The following ZC2HC1B variants were observed in gnomAD, a reference collection of about 807,000 sequenced individuals.
ZC2HC1B encodes zinc finger C2HC domain-containing protein 1B.
A neutral mutation model predicts 31.0 loss-of-function variants in ZC2HC1B; 36 were observed. That is an observed-to-expected ratio of 1.16 (90% CI 0.89 to 1.54). The LOEUF (loss-of-function observed/expected upper bound fraction) is 1.54. ZC2HC1B is among the 40% of genes most tolerant of loss of function. The pLI, the probability that ZC2HC1B is intolerant of heterozygous loss-of-function variation, is 0.00. For missense variants in ZC2HC1B, 260 were observed against 268.6 expected, an observed-to-expected ratio of 0.97 and a Z score of 0.22; for synonymous variants, 73 against 88.0, an observed-to-expected ratio of 0.83 and a Z score of 0.95.
intron 6 of ZC2HC1B, among the ~76,000 whole-genome samples, chr6:143,920,491 T>C (rs1342382091): frequency 6.6e-6 from 1 of 152,216 alleles, no homozygotes; most frequent in Non-Finnish European, 1.5e-5. Flanking sequence ...GATACCATTC[T>C]AACACATAAG....
chr6:143,873,704 C>G (rs1425751249), intron 1 of ZC2HC1B, among the ~76,000 whole-genome samples: 1 of 152,274 alleles, frequency 6.6e-6, no homozygotes, highest in Non-Finnish European at 1.5e-5. Context: ...ATAGCCCGAG[C>G]TGTACATTGG....
intron 6 of ZC2HC1B, among the ~76,000 whole-genome samples, chr6:143,928,824 G>GTTTTTTTT (rs59359194): frequency 1.4e-5 from 2 of 142,312 alleles, no homozygotes; most frequent in Non-Finnish European, 3.0e-5. Flanking sequence ...TATTCCTAGG[G>GTTTTTTTT]TTTTTTTTTT....
intron 4 of ZC2HC1B, among the ~76,000 whole-genome samples, chr6:143,892,141 T>C (rs1777608941): frequency 6.6e-6 from 1 of 152,188 alleles, no homozygotes; most frequent in East Asian, 1.9e-4. Context: ...CTCACAGTTC[T>C]GCAGGTTGTA....
At chr6:143,882,777 G>A (rs1374409636) in intron 1 of ZC2HC1B, among the ~76,000 whole-genome samples, 1 of 151,922 alleles carries the variant, frequency 6.6e-6, no homozygotes. Context: ...CCTGCTGGCC[G>A]GACAACTCTA....
At position 143,869,672 on chromosome 6, in the gene ZC2HC1B, G is replaced by A. The variant is rs999346739; in HGVS notation, c.28+5105G>A. 2.6e-5 allele frequency among the ~76,000 whole-genome samples: 4 copies of A among 152,206 alleles called. No individual in the cohort carries two copies. The highest frequency in any genetic ancestry group is 9.6e-5 in the African/African-American group (4 of 41,454). Reference sequence around the variant, plus strand: ...TTTTCCATGATGGAAGAGGTTCAATGTAATCAACCTGCCAGCAGGTAGCTG... The same window carrying A: ...TTTTCCATGATGGAAGAGGTTCAATATAATCAACCTGCCAGCAGGTAGCTG... On this transcript the variant is annotated intron_variant, in intron 1 of 7. Coordinates refer to ENST00000237275, the MANE Select transcript of ZC2HC1B (RefSeq NM_001013623.3). This position sits in a 1 kb window ranked among gnomAD's most constrained non-coding sequence, Gnocchi z 5.2.
Position 143,921,966 on chromosome 6 carries a change from G to T in ZC2HC1B, c.599-15683G>T, listed in dbSNP as rs1777989706. On this transcript the variant is annotated intron_variant, in intron 6 of 7. Coordinates refer to ENST00000237275, the MANE Select transcript of ZC2HC1B (RefSeq NM_001013623.3). The surrounding 1 kb of genome is among the most constrained non-coding windows in gnomAD (Gnocchi z 6.1). ...AAAAAATAAAAATAAAGTTGCTAGG[G>T]TTAATGTGTCTTTAAATTAGTCACA... is the stretch of plus-strand genomic sequence containing the variant. Among the ~76,000 whole-genome samples, 1 of 152,160 alleles carries T rather than the reference G, an allele frequency of 6.6e-6. No homozygotes were observed. Among genetic ancestry groups the T allele is most frequent in the Non-Finnish European group, 1.5e-5 (1 of 68,034 alleles).
Position 143,924,775 on chromosome 6 carries a change from T to C in ZC2HC1B, c.599-12874T>C, listed in dbSNP as rs2128497229. The stretch of plus-strand genomic sequence containing the variant: ...TCTGTCTCTTGAAATGATCATATTG[T>C]TTTTGTCTTTCATTCTGTTGTTGTG... On this transcript the variant is annotated intron_variant, in intron 6 of 7. Transcript: ENST00000237275. This position sits in a 1 kb window ranked among gnomAD's most constrained non-coding sequence, Gnocchi z 5.2. 6.6e-6 allele frequency among the ~76,000 whole-genome samples: 1 copy of C among 152,338 alleles called. No homozygotes were observed. The highest frequency in any genetic ancestry group is 2.1e-4 in the South Asian group (1 of 4,830).
At position 143,903,432 on chromosome 6, in the gene ZC2HC1B, A is replaced by T. The variant is rs1777759166; in HGVS notation, c.598+280A>T. ...GTCTAGTAAAATTGAAGAGATTGAA[A>T]ATAGGAGAAGACCACGTGTCATATG... is the stretch of plus-strand genomic sequence containing the variant. On this transcript the variant is annotated intron_variant, in intron 6 of 7. Transcript: ENST00000237275. This position sits in a 1 kb window ranked among gnomAD's most constrained non-coding sequence, Gnocchi z 4.3. 6.6e-6 allele frequency among the ~76,000 whole-genome samples: 1 copy of T among 152,230 alleles called. No homozygotes were observed. The highest frequency in any genetic ancestry group is 1.5e-5 in the Non-Finnish European group (1 of 68,038).
intron 1 of ZC2HC1B, among the ~76,000 whole-genome samples, chr6:143,882,334 T>TTTATATATATATATATATATA (rs1554237237): frequency 2.1e-4 from 18 of 85,528 alleles, no homozygotes; most frequent in African/African-American, 9.6e-4. Context: ...TTTATATTTT[T>TTTATATATATATATATATATA]TATATATATA....
chr6:143,884,201 AGAGT>A lies in ZC2HC1B; in HGVS notation c.29-99_29-96del. On this transcript the variant is annotated intron_variant, in intron 1 of 7. Transcript: ENST00000237275. The surrounding 1 kb of genome is among the most constrained non-coding windows in gnomAD (Gnocchi z 5.1). ...GAAGCAGTTGGTGGGGAGGGAAAAG[AGAGT>A]GAGGATATCAAGCTATTGAGGTCAC... 1 of 1,004,606 alleles carries A rather than the reference AGAGT, an allele frequency of 1.0e-6. No individual in the cohort carries two copies. Among genetic ancestry groups the A allele is most frequent in the Non-Finnish European group, 1.4e-6 (1 of 698,148 alleles). The allele number at this position is 1,004,606 out of a possible 1,614,324, so 62.2% of individuals were successfully genotyped here.
Position 143,934,308 on chromosome 6 carries a change from C to T in ZC2HC1B, c.599-3341C>T, listed in dbSNP as rs1314174633. Among the ~76,000 whole-genome samples the T allele has an allele frequency of 6.6e-6, 1 of 152,200 alleles. No homozygotes were observed. Among genetic ancestry groups the T allele is most frequent in the East Asian group, 1.9e-4 (1 of 5,196 alleles). On this transcript the variant is annotated intron_variant, in intron 6 of 7. Coordinates refer to ENST00000237275, the MANE Select transcript of ZC2HC1B (RefSeq NM_001013623.3). The surrounding 1 kb of genome is among the most constrained non-coding windows in gnomAD (Gnocchi z 4.6). ...CTGCAGTTGTTCCTGGAGCAAACGACCACAGAGTGAGTGTCCACACGCTGT... is the reference window on the plus strand; with the variant it reads ...CTGCAGTTGTTCCTGGAGCAAACGATCACAGAGTGAGTGTCCACACGCTGT...
chr6:143,904,491 A>G (rs968258534), intron 6 of ZC2HC1B, among the ~76,000 whole-genome samples: 1 of 152,084 alleles, frequency 6.6e-6, no homozygotes, highest in Non-Finnish European at 1.5e-5. Flanking sequence ...CCTCCCAAGT[A>G]CCCAGGACTA....
At position 143,871,212 on chromosome 6, in the gene ZC2HC1B, G is replaced by A. The variant is rs971851127; in HGVS notation, c.28+6645G>A. On this transcript the variant is annotated intron_variant, in intron 1 of 7. Transcript: ENST00000237275. This position sits in a 1 kb window ranked among gnomAD's most constrained non-coding sequence, Gnocchi z 4.1. The stretch of plus-strand genomic sequence containing the variant: ...AATATCTCACCAATAAGTCCAGTGT[G>A]TTTACTACTTCTTGCTCACTGGATC... Among the ~76,000 whole-genome samples the A allele has an allele frequency of 6.6e-6, 1 of 152,148 alleles. No individual in the cohort carries two copies. Among genetic ancestry groups the A allele is most frequent in the Non-Finnish European group, 1.5e-5 (1 of 68,032 alleles).
chr6:143,937,774 C>A, intron 7 of ZC2HC1B, 41 bp downstream of exon 7: 1 of 1,439,458 alleles, frequency 6.9e-7, no homozygotes, highest in South Asian at 1.3e-5. Flanking sequence ...TGTTGCTGAC[C>A]AGTTAATGAC....
intron 5 of ZC2HC1B, among the ~76,000 whole-genome samples, chr6:143,900,059 ACC>A (rs1209466236): frequency 1.3e-5 from 2 of 152,136 alleles, no homozygotes; most frequent in Admixed American, 1.3e-4. Context: ...GGCCTGAGGC[ACC>A]CATCTGGGGA....
intron 6 of ZC2HC1B, among the ~76,000 whole-genome samples, chr6:143,926,871 C>G (rs1778056857): frequency 8.5e-6 from 1 of 117,636 alleles, no homozygotes; most frequent in East Asian, 2.7e-4. Flanking sequence ...GAGTCTCGCT[C>G]TGTCGCCCAG....
chr6:143,908,033 G>T lies in ZC2HC1B; in HGVS notation c.598+4881G>T, dbSNP rs919220052. ...ATCCCAGCACCATTTATTAAATAAA[G>T]AATTCTTTCCCCATTGCTTGTTTTT... On this transcript the variant is annotated intron_variant, in intron 6 of 7. Coordinates refer to ENST00000237275, the MANE Select transcript of ZC2HC1B (RefSeq NM_001013623.3). The surrounding 1 kb of genome is among the most constrained non-coding windows in gnomAD (Gnocchi z 4.4). Among the ~76,000 whole-genome samples, 8 of 152,320 alleles carry T rather than the reference G, an allele frequency of 5.3e-5. No individual in the cohort carries two copies. Among genetic ancestry groups the T allele is most frequent in the South Asian group, 4.1e-4 (2 of 4,828 alleles).
At chr6:143,879,421 A>G (rs978334806) in intron 1 of ZC2HC1B, among the ~76,000 whole-genome samples, 1 of 152,178 alleles carries the variant, frequency 6.6e-6, no homozygotes, top group Non-Finnish European at 1.5e-5. Flanking sequence ...TGCTATCCTG[A>G]GTCTTAATTC....
chr6:143,876,624 AT>A (rs1211324689), intron 1 of ZC2HC1B, among the ~76,000 whole-genome samples: 2 of 150,338 alleles, frequency 1.3e-5, no homozygotes, highest in Non-Finnish European at 3.0e-5. Context: ...GGAAATATAT[AT>A]AAGGGGAATA....
Sources: allele counts gnomAD v4.1 joint callset (sites outside exome capture counted in the v4.1 genomes callset), GRCh38; gene constraint gnomAD v4.1.1; non-coding constraint Gnocchi (gnomAD v3.1); transcripts MANE v1.5; gene names NCBI Gene and HGNC (gene_info 2026-07-23, HGNC 2026-07-21).